Variants in EVX2 observed in about 807,000 individuals in gnomAD.
The protein encoded by EVX2 is even-skipped homeobox 2.
A neutral mutation model predicts 19.2 loss-of-function variants in EVX2; 10 were observed. The ratio of observed to expected loss-of-function variants is 0.52; its 90% confidence interval spans 0.32 to 0.89. The LOEUF (loss-of-function observed/expected upper bound fraction) is 0.89. Ranked by LOEUF, EVX2 falls within the 40% of genes least tolerant of loss-of-function variation. The probability of loss-of-function intolerance (pLI) is 0.03; values close to 1 mark genes in which losing one functional copy is unlikely to be tolerated. For missense variants in EVX2, 710 were observed against 694.9 expected, an observed-to-expected ratio of 1.02 and a Z score of -0.24; for synonymous variants, 354 against 328.4, an observed-to-expected ratio of 1.08 and a Z score of -0.84.
In EVX2 at chr2:176,080,118, G is replaced by C. The variant is rs1431308641; in HGVS notation, c.1420C>G (p.Leu474Val). Residue 474 changes from leucine (L) to valine (V), a missense_variant, in exon 3 of 3, where the codon CTC becomes GTC. Transcript: ENST00000308618. This position sits in a 1 kb window ranked among gnomAD's most constrained non-coding sequence, Gnocchi z 7.0. ...CGGTGGCGACGTAGTTATCTGGTGA[G>C]CGGAGCCTCGTCCCTCTGGTCCGGC... ...SPPDQRDEAP[L>V]TR 5.2e-6 allele frequency: 8 copies of C among 1,545,894 alleles called. No homozygotes were observed. The highest frequency in any genetic ancestry group is 7.0e-6 in the Non-Finnish European group (8 of 1,150,564).
At position 176,080,177 on chromosome 2, in the gene EVX2, G is replaced by C. The variant is rs1689112478; in HGVS notation, c.1361C>G (p.Ser454Trp). 2 of 1,519,220 alleles carry C rather than the reference G, an allele frequency of 1.3e-6. No individual in the cohort carries two copies. Among genetic ancestry groups the C allele is most frequent in the Admixed American group, 2.1e-5 (1 of 47,894 alleles). 94.1% of individuals were successfully genotyped at this position (1,519,220 alleles called of 1,614,324 possible). A position where few individuals can be genotyped will look rare whatever the true frequency, so the allele number is the denominator to read the frequency against. Residue 454 changes from serine (S) to tryptophan (W), a missense_variant, in exon 3 of 3, where the codon TCG (serine) becomes TGG (tryptophan). Ser to Trp is a radical substitution (Grantham distance 177). Transcript: ENST00000308618. This position sits in a 1 kb window ranked among gnomAD's most constrained non-coding sequence, Gnocchi z 7.0. The part of the protein sequence containing the change: ...PRSESGFLPY[S>W]AAVLSKTAVS... The stretch of plus-strand genomic sequence containing the variant: ...GGCCGTCTTACTAAGCACCGCGGCC[G>C]AGTAGGGCAGGAAGCCGCTCTCGGA...
Position 176,082,343 on chromosome 2 carries a change from C to CA in EVX2, c.533dup (p.Gly180TrpfsTer158). ...GATCCGCGCCAGAGCCGGAGCCACC[C>CA]AGCGCCGCGCTCCCGCCGCTGCCTC... On this transcript the variant is annotated frameshift_variant, in exon 2 of 3. Transcript: ENST00000308618. LOFTEE classifies it high-confidence loss of function. This position sits in a 1 kb window ranked among gnomAD's most constrained non-coding sequence, Gnocchi z 5.2. The CA allele has an allele frequency of 6.3e-7, 1 of 1,597,128 alleles. No individual in the cohort carries two copies.
Position 176,081,423 on chromosome 2 carries a change from C to T in EVX2, c.700-585G>A, listed in dbSNP as rs1689145525. Among the ~76,000 whole-genome samples the T allele has an allele frequency of 6.6e-6, 1 of 152,106 alleles. No individual in the cohort carries two copies. Among genetic ancestry groups the T allele is most frequent in the African/African-American group, 2.4e-5 (1 of 41,402 alleles). ...GGGAAGGGGACGTTTCCACCCCTCC[C>T]AACACTATCTAATAAAGACATCATT... On this transcript the variant is annotated intron_variant, in intron 2 of 2. Coordinates refer to ENST00000308618, the MANE Select transcript of EVX2 (RefSeq NM_001080458.2). This position sits in a 1 kb window ranked among gnomAD's most constrained non-coding sequence, Gnocchi z 5.9.
rs545092334 is a variant in EVX2 at position 176,081,611 on chromosome 2, T to C, written c.699+567A>G. On this transcript the variant is annotated intron_variant, in intron 2 of 2. Coordinates refer to ENST00000308618, the MANE Select transcript of EVX2 (RefSeq NM_001080458.2). This position sits in a 1 kb window ranked among gnomAD's most constrained non-coding sequence, Gnocchi z 5.9. ...CCGGCTATCTCTCCCAGACGTATAATAAAATTAATAACCTAAAGTTATATA... is the reference window on the plus strand; with the variant it reads ...CCGGCTATCTCTCCCAGACGTATAACAAAATTAATAACCTAAAGTTATATA... 5.3e-5 allele frequency among the ~76,000 whole-genome samples: 8 copies of C among 152,146 alleles called. No homozygotes were observed. Among genetic ancestry groups the C allele is most frequent in the Non-Finnish European group, 1.0e-4 (7 of 68,034 alleles).
Position 176,082,574 on chromosome 2 carries a change from T to C in EVX2, c.428-125A>G. ...TCGCTGCCGGAATTGATGGGGTCTG[T>C]CATGCTTACAAATTGCTGCCGTTAA... On this transcript the variant is annotated intron_variant, in intron 1 of 2. Transcript: ENST00000308618. The surrounding 1 kb of genome is among the most constrained non-coding windows in gnomAD (Gnocchi z 5.2). The C allele has an allele frequency of 6.3e-6, 7 of 1,109,980 alleles. No homozygotes were observed. The highest frequency in any genetic ancestry group is 7.3e-6 in the Non-Finnish European group (6 of 821,452). The allele number at this position is 1,109,980 out of a possible 1,614,324, so 68.8% of individuals were successfully genotyped here.
chr2:176,080,037 A>AG lies in EVX2; in HGVS notation c.*69dup. ...GCAGCGGGCAACGCGCGGAGGGCTC[A>AG]GGGGGCGCACAGGGGACTCCCGGGC... On this transcript the variant is annotated 3_prime_UTR_variant, in exon 3 of 3. Coordinates refer to ENST00000308618, the MANE Select transcript of EVX2 (RefSeq NM_001080458.2). This position sits in a 1 kb window ranked among gnomAD's most constrained non-coding sequence, Gnocchi z 7.0. The AG allele has an allele frequency of 7.2e-7, 1 of 1,396,114 alleles. No individual in the cohort carries two copies. Among genetic ancestry groups the AG allele is most frequent in the Non-Finnish European group, 9.3e-7 (1 of 1,069,642 alleles). The allele number at this position is 1,396,114 out of a possible 1,614,324, so 86.5% of individuals were successfully genotyped here.
In EVX2 at chr2:176,079,823, C is replaced by T; in HGVS notation, c.*284G>A. 3.4e-6 allele frequency: 1 copy of T among 294,626 alleles called. No individual in the cohort carries two copies. The highest frequency in any genetic ancestry group is 6.3e-6 in the Non-Finnish European group (1 of 158,716). The allele number at this position is 294,626 out of a possible 1,614,324, so 18.3% of individuals were successfully genotyped here. A position where few individuals can be genotyped will look rare whatever the true frequency, so the allele number is the denominator to read the frequency against. On this transcript the variant is annotated 3_prime_UTR_variant, in exon 3 of 3. Coordinates refer to ENST00000308618, the MANE Select transcript of EVX2 (RefSeq NM_001080458.2). The surrounding 1 kb of genome is among the most constrained non-coding windows in gnomAD (Gnocchi z 4.4). ...TCTTTGGGAAACCAAGCGCTCAGGACAGAGGTGGAAAGTGGGTCCCGGGAG... is the reference window on the plus strand; with the variant it reads ...TCTTTGGGAAACCAAGCGCTCAGGATAGAGGTGGAAAGTGGGTCCCGGGAG...
Position 176,082,501 on chromosome 2 carries a change from G to C in EVX2, c.428-52C>G. 1 of 1,487,948 alleles carries C rather than the reference G, an allele frequency of 6.7e-7. No homozygotes were observed. Among genetic ancestry groups the C allele is most frequent in the Non-Finnish European group, 8.9e-7 (1 of 1,122,038 alleles). The allele number at this position is 1,487,948 out of a possible 1,614,324, so 92.2% of individuals were successfully genotyped here. A position where few individuals can be genotyped will look rare whatever the true frequency, so the allele number is the denominator to read the frequency against. ...TGAGTGGCTGTAGGACCAACAGCCC[G>C]GCGCTGGCGCTGCGCGCGGATCGGG... is the stretch of plus-strand genomic sequence containing the variant. On this transcript the variant is annotated intron_variant, in intron 1 of 2. Transcript: ENST00000308618. This position sits in a 1 kb window ranked among gnomAD's most constrained non-coding sequence, Gnocchi z 5.2.
rs888980186 is a variant in EVX2, at chr2:176,081,036, C to T, written c.700-198G>A. Among the ~76,000 whole-genome samples, 4 of 152,192 alleles carry T rather than the reference C, an allele frequency of 2.6e-5. No individual in the cohort carries two copies. The highest frequency in any genetic ancestry group is 4.8e-5 in the African/African-American group (2 of 41,448). On this transcript the variant is annotated intron_variant, in intron 2 of 2. Transcript: ENST00000308618. This position sits in a 1 kb window ranked among gnomAD's most constrained non-coding sequence, Gnocchi z 5.9. ...GTGTGGACCGCCGTGGGCACACCGT[C>T]CTCAACGAAGAGGGTCCTCTCCCCC...
At position 176,080,275 on chromosome 2, in the gene EVX2, A is replaced by G; in HGVS notation, c.1263T>C (p.Gly421=). 1.2e-5 allele frequency: 16 copies of G among 1,283,396 alleles called. No homozygotes were observed. The highest frequency in any genetic ancestry group is 1.5e-5 in the Non-Finnish European group (15 of 1,012,354). The allele number at this position is 1,283,396 out of a possible 1,614,324, so 79.5% of individuals were successfully genotyped here. Residue 421 remains glycine (G), a synonymous_variant, in exon 3 of 3, where the codon GGT becomes GGC. Coordinates refer to ENST00000308618, the MANE Select transcript of EVX2 (RefSeq NM_001080458.2). The surrounding 1 kb of genome is among the most constrained non-coding windows in gnomAD (Gnocchi z 7.0). ...SRGGGGGGGG[G]GGGGGGGAGA... ...CGGCGCCCCCGCCGCCGCCGCCACC[A>G]CCACCACCGCCGCCGCCACCGCCAC...
Position 176,079,938 on chromosome 2 carries a change from CTCCTTCTCCCCCAAT to C in EVX2, c.*154_*168del. On this transcript the variant is annotated 3_prime_UTR_variant, in exon 3 of 3. Coordinates refer to ENST00000308618, the MANE Select transcript of EVX2 (RefSeq NM_001080458.2). This position sits in a 1 kb window ranked among gnomAD's most constrained non-coding sequence, Gnocchi z 4.4. Reference sequence around the variant, plus strand: ...GATGCCCGCCAGGCTTTTGCGCCTGCTCCTTCTCCCCCAATTCGGAGCAGGTTCCCTTCGGCCTCC... The same window carrying C: ...GATGCCCGCCAGGCTTTTGCGCCTGCTCGGAGCAGGTTCCCTTCGGCCTCC... 1.6e-6 allele frequency: 1 copy of C among 640,338 alleles called. No homozygotes were observed. Among genetic ancestry groups the C allele is most frequent in the Non-Finnish European group, 2.3e-6 (1 of 433,150 alleles). The allele number at this position is 640,338 out of a possible 1,614,324, so 39.7% of individuals were successfully genotyped here.
In EVX2 at chr2:176,081,120, T is replaced by C. The variant is rs1216940832; in HGVS notation, c.700-282A>G. Among the ~76,000 whole-genome samples, 1 of 152,170 alleles carries C rather than the reference T, an allele frequency of 6.6e-6. No homozygotes were observed. The highest frequency in any genetic ancestry group is 2.4e-5 in the African/African-American group (1 of 41,436). On this transcript the variant is annotated intron_variant, in intron 2 of 2. Transcript: ENST00000308618. The surrounding 1 kb of genome is among the most constrained non-coding windows in gnomAD (Gnocchi z 5.9). ...TCCCTTACTTCTTGCTGCACTTTTT[T>C]GTCCCAATCCAACCTTTCCTCTCCC...
chr2:176,083,544 T>C lies in EVX2; in HGVS notation c.233A>G (p.Asn78Ser). The change falls in exon 1 of 3, where the codon AAC (asparagine) becomes AGC (serine). Residue 78 changes from asparagine (N) to serine (S), a missense_variant. Coordinates refer to ENST00000308618, the MANE Select transcript of EVX2 (RefSeq NM_001080458.2). This position sits in a 1 kb window ranked among gnomAD's most constrained non-coding sequence, Gnocchi z 4.4. ...GCTTTCGCTGCCCGTGTGCTGCAGG[T>C]TGAACAAAGTGTCTATTTCGAATTT... ...KGKFEIDTLF[N>S]LQHTGSESTV... 6.2e-7 allele frequency: 1 copy of C among 1,614,138 alleles called. No individual in the cohort carries two copies. The highest frequency in any genetic ancestry group is 1.7e-5 in the Admixed American group (1 of 60,020).
rs1457044519 is a variant in EVX2 at position 176,081,981 on chromosome 2, T to G, written c.699+197A>C. ...TTGGAGTCACCATTCGGGGGCCTTC[T>G]TAGATCCGTCAGGCCGGACAACCGT... is the stretch of plus-strand genomic sequence containing the variant. On this transcript the variant is annotated intron_variant, in intron 2 of 2. Coordinates refer to ENST00000308618, the MANE Select transcript of EVX2 (RefSeq NM_001080458.2). This position sits in a 1 kb window ranked among gnomAD's most constrained non-coding sequence, Gnocchi z 5.9. Among the ~76,000 whole-genome samples the G allele has an allele frequency of 1.3e-5, 2 of 152,200 alleles. No individual in the cohort carries two copies. The highest frequency in any genetic ancestry group is 2.9e-5 in the Non-Finnish European group (2 of 68,026).
In EVX2 at chr2:176,080,069, A is replaced by G. The variant is rs199844025; in HGVS notation, c.*38T>C. The G allele has an allele frequency of 1.1e-4, 170 of 1,509,774 alleles. 4 individuals carry two copies. In the East Asian group the frequency reaches 4.6e-3, roughly 41 times the overall value. 93.5% of individuals were successfully genotyped at this position (1,509,774 alleles called of 1,614,324 possible). On this transcript the variant is annotated 3_prime_UTR_variant, in exon 3 of 3. Transcript: ENST00000308618. The surrounding 1 kb of genome is among the most constrained non-coding windows in gnomAD (Gnocchi z 7.0). Reference sequence around the variant, plus strand: ...GCACAGGGGACTCCCGGGCACACTCAGAGAGGCGGGCGCGGCCCCCTGGCG... The same window carrying G: ...GCACAGGGGACTCCCGGGCACACTCGGAGAGGCGGGCGCGGCCCCCTGGCG...
In EVX2 at chr2:176,077,483, AAC is replaced by A. The variant is rs975437557; in HGVS notation, c.*2622_*2623del. 1 of 152,246 alleles carries A rather than the reference AAC, an allele frequency of 6.6e-6. No individual in the cohort carries two copies. The highest frequency in any genetic ancestry group is 2.4e-5 in the African/African-American group (1 of 41,474). 9.4% of individuals were successfully genotyped at this position (152,246 alleles called of 1,614,324 possible). ...CAAATAAAACTGCCTTGATTTAAATAACATTTATTTTACATGACCAAACACAA... is the reference window on the plus strand; with the variant it reads ...CAAATAAAACTGCCTTGATTTAAATAATTTATTTTACATGACCAAACACAA... On this transcript the variant is annotated 3_prime_UTR_variant, in exon 3 of 3. Transcript: ENST00000308618.
chr2:176,079,932 C>A lies in EVX2; in HGVS notation c.*175G>T. The A allele has an allele frequency of 1.7e-6, 1 of 587,312 alleles. No individual in the cohort carries two copies. Among genetic ancestry groups the A allele is most frequent in the South Asian group, 4.2e-5 (1 of 24,096 alleles). 36.4% of individuals were successfully genotyped at this position (587,312 alleles called of 1,614,324 possible). Reference sequence around the variant, plus strand: ...TAGGGGGATGCCCGCCAGGCTTTTGCGCCTGCTCCTTCTCCCCCAATTCGG... The same window carrying A: ...TAGGGGGATGCCCGCCAGGCTTTTGAGCCTGCTCCTTCTCCCCCAATTCGG... On this transcript the variant is annotated 3_prime_UTR_variant, in exon 3 of 3. Coordinates refer to ENST00000308618, the MANE Select transcript of EVX2 (RefSeq NM_001080458.2). The surrounding 1 kb of genome is among the most constrained non-coding windows in gnomAD (Gnocchi z 4.4).
chr2:176,083,113 C>A lies in EVX2; in HGVS notation c.427+237G>T, dbSNP rs1332866391. ...AGAAACATTTTCTCGGACTCAGGAGCGAGGGCGGGTGGGCCTGGTGTTCCA... is the reference window on the plus strand; with the variant it reads ...AGAAACATTTTCTCGGACTCAGGAGAGAGGGCGGGTGGGCCTGGTGTTCCA... On this transcript the variant is annotated intron_variant, in intron 1 of 2. Transcript: ENST00000308618. This position sits in a 1 kb window ranked among gnomAD's most constrained non-coding sequence, Gnocchi z 4.4. Among the ~76,000 whole-genome samples, 2 of 152,158 alleles carry A rather than the reference C, an allele frequency of 1.3e-5. No individual in the cohort carries two copies. The highest frequency in any genetic ancestry group is 3.9e-4 in the East Asian group (2 of 5,170).
chr2:176,078,011 T>C lies in EVX2; in HGVS notation c.*2096A>G, dbSNP rs1689079024. ...AAAGTTCTCTAATATTTTATGGTAA[T>C]ATTTTAATAGACCCCAGGAATTTCG... On this transcript the variant is annotated 3_prime_UTR_variant, in exon 3 of 3. Coordinates refer to ENST00000308618, the MANE Select transcript of EVX2 (RefSeq NM_001080458.2). 1 of 152,218 alleles carries C rather than the reference T, an allele frequency of 6.6e-6. No homozygotes were observed. The highest frequency in any genetic ancestry group is 2.4e-5 in the African/African-American group (1 of 41,468). 9.4% of individuals were successfully genotyped at this position (152,218 alleles called of 1,614,324 possible).
Sources: gnomAD v4.1 joint callset for allele counts (sites outside exome capture counted in the v4.1 genomes callset) on GRCh38, gnomAD v4.1.1 for gene constraint, Gnocchi (gnomAD v3.1) non-coding constraint, MANE v1.5 for transcripts, NCBI Gene and HGNC (gene_info 2026-07-23, HGNC 2026-07-21) for gene names.